The following MID1 variants were observed in gnomAD, a reference collection of about 807,000 sequenced individuals.
The protein encoded by MID1 is midline 1, also known as E3 ubiquitin-protein ligase Midline-1.
Under a neutral mutation model 40.4 loss-of-function variants are expected in MID1, and 7 were observed. The ratio of observed to expected loss-of-function variants is 0.17; its 90% CI spans 0.10 to 0.33. The LOEUF is 0.33. Among genes scored for constraint, MID1 ranks in the 10% least tolerant of loss-of-function variants. The probability of loss-of-function intolerance (pLI) is 1.00; values close to 1 mark genes in which losing one functional copy is unlikely to be tolerated. For synonymous variants in MID1, 229 were observed against 221.2 expected (o/e 1.04, Z -0.31); for missense variants, 367 against 558.5 (o/e 0.66, Z 3.46).
At chrX:10,762,094 ATGGAT>A (rs1035624349) in intron 1 of MID1, among the ~76,000 whole-genome samples, 1 of 111,992 alleles carries the variant, frequency 8.9e-6, no homozygotes, top group African/African-American at 3.2e-5. Flanking sequence ...GTAGGAATCC[ATGGAT>A]AAAGTATGTG....
At chrX:10,805,945 T>C (rs1331348442) in intron 1 of MID1, among the ~76,000 whole-genome samples, 1 of 109,904 alleles carries the variant, frequency 9.1e-6, no homozygotes, top group Non-Finnish European at 1.9e-5. Flanking sequence ...AAATTTGTTT[T>C]GAGTTCATTG....
intron 1 of MID1, among the ~76,000 whole-genome samples, chrX:10,798,588 G>A (rs1018924505): frequency 8.9e-6 from 1 of 111,799 alleles, no homozygotes; most frequent in African/African-American, 3.3e-5. Context: ...AGATGAAGAA[G>A]AAAAATTCTG....
In MID1 at chrX:10,636,785, GATATATATATATAT is replaced by G. The variant is rs60188235; in HGVS notation, c.-186-16380_-186-16367del. On this transcript the variant is annotated intron_variant, in intron 1 of 10. Transcript: ENST00000380785. ...CAAACTGGGCCATTCCAACAATGGG[GATATATATATATAT>G]ATATATATATATATATATACACCAC... Among the ~76,000 whole-genome samples, 17 of 42,719 alleles carry G rather than the reference GATATATATATATAT, an allele frequency of 4.0e-4. No individual in the cohort carries two copies. In the South Asian group the frequency reaches 4.1e-3, roughly 10 times the overall value. The allele number at this position is 42,719 out of a possible 115,157, so 37.1% of individuals were successfully genotyped here. A position where few individuals can be genotyped will look rare whatever the true frequency, so the allele number is the denominator to read the frequency against.
chrX:10,826,094 T>C (rs1403914431), intron 1 of MID1, among the ~76,000 whole-genome samples: 2 of 110,919 alleles, frequency 1.8e-5, no homozygotes, highest in African/African-American at 6.6e-5. Context: ...CTCATGCATT[T>C]TTCCACTCAA....
chrX:10,688,150 G>A (rs751560756), intron 1 of MID1, among the ~76,000 whole-genome samples: 1 of 111,915 alleles, frequency 8.9e-6, no homozygotes, highest in Non-Finnish European at 1.9e-5. Context: ...TGTGAGGCAC[G>A]TGCTGGCTAA....
intron 3 of MID1, chrX:10,506,633 C>T: frequency 2.2e-6 from 1 of 461,982 alleles, no homozygotes; most frequent in Non-Finnish European, 3.8e-6. Context: ...GAGATAGGAC[C>T]TGTGAGTGCA....
intron 1 of MID1, among the ~76,000 whole-genome samples, chrX:10,765,818 A>T (rs1221102693): frequency 9.1e-6 from 1 of 109,901 alleles, no homozygotes; most frequent in Non-Finnish European, 1.9e-5. Context: ...CTAAAAGCTG[A>T]CACAAAACTC....
chrX:10,685,088 A>G (rs1982487271), intron 1 of MID1, among the ~76,000 whole-genome samples: 1 of 112,423 alleles, frequency 8.9e-6, no homozygotes, highest in Non-Finnish European at 1.9e-5. Context: ...TATTATATAC[A>G]TATGCCACAA....
chrX:10,694,517 T>C (rs149099983), intron 1 of MID1, among the ~76,000 whole-genome samples: 1 of 111,949 alleles, frequency 8.9e-6, no homozygotes, highest in African/African-American at 3.2e-5. Context: ...CCTAAGAGTG[T>C]AGGGGAAAAG....
chrX:10,669,682 T>C (rs936913779), intron 1 of MID1, among the ~76,000 whole-genome samples: 1 of 112,025 alleles, frequency 8.9e-6, no homozygotes, highest in Non-Finnish European at 1.9e-5. Flanking sequence ...CTTTCAGGGA[T>C]TGGGTAGACA....
intron 1 of MID1, among the ~76,000 whole-genome samples, chrX:10,649,494 C>T (rs765865006): frequency 7.1e-5 from 8 of 112,082 alleles, no homozygotes; most frequent in East Asian, 2.8e-4. Flanking sequence ...TGCCCACTAA[C>T]GTCAGCATGG....
At chrX:10,721,341 T>A (rs1363739254) in intron 1 of MID1, among the ~76,000 whole-genome samples, 1 of 111,153 alleles carries the variant, frequency 9.0e-6, no homozygotes, top group African/African-American at 3.3e-5. Flanking sequence ...GTCAACTTTC[T>A]CTAGTGTGAA....
intron 1 of MID1, among the ~76,000 whole-genome samples, chrX:10,812,097 C>T (rs764053549): frequency 9.0e-6 from 1 of 111,482 alleles, no homozygotes; most frequent in Non-Finnish European, 1.9e-5. Flanking sequence ...CAAAGCAATA[C>T]AAAATATCAG....
chrX:10,533,377 AAAAAGAAAGAAAGAAAAG>A (rs1569089801), intron 2 of MID1, among the ~76,000 whole-genome samples: 15 of 58,632 alleles, frequency 2.6e-4, no homozygotes, highest in South Asian at 1.4e-3. Flanking sequence ...AGAAAGAAAG[AAAAAGAAAGAAAGAAAAG>A]AAAGAAAGAA....
At chrX:10,674,712 AATTG>A (rs1452516573) in intron 1 of MID1, among the ~76,000 whole-genome samples, 6 of 112,111 alleles carry the variant, frequency 5.4e-5, no homozygotes, top group Non-Finnish European at 7.5e-5. Context: ...TTCACAGATA[AATTG>A]ATTAACTGTT....
chrX:10,684,573 T>G (rs1466640592), intron 1 of MID1, among the ~76,000 whole-genome samples: 1 of 108,157 alleles, frequency 9.2e-6, no homozygotes, highest in East Asian at 2.9e-4. Flanking sequence ...CGGCTATTTT[T>G]TTTTTTGTAT....
chrX:10,578,227 A>G (rs1461024597), intron 1 of MID1, among the ~76,000 whole-genome samples: 3 of 113,043 alleles, frequency 2.7e-5, no homozygotes, highest in African/African-American at 6.4e-5. Context: ...TCAATTTCAC[A>G]TATAGATGAC....
chrX:10,756,043 T>C (rs2043630936), intron 1 of MID1, among the ~76,000 whole-genome samples: 1 of 112,322 alleles, frequency 8.9e-6, no homozygotes, highest in South Asian at 3.7e-4. Context: ...ATCACTAATT[T>C]TCTTGGTGAC....
At position 10,448,980 on chromosome X, in the gene MID1, A is replaced by G. The variant is rs741500; in HGVS notation, c.*388T>C. 0.021 allele frequency: 3,118 copies of G among 149,177 alleles called. 104 individuals carry two copies. The highest frequency in any genetic ancestry group is 0.091 in the African/African-American group (2,906 of 31,871). 12.3% of individuals were successfully genotyped at this position (149,177 alleles called of 1,213,427 possible). Reference sequence around the variant, plus strand: ...GGGATATCAGGTAAGAAGATGAGTAACATACAAAACTACAAAAGTTTTTGT... The same window carrying G: ...GGGATATCAGGTAAGAAGATGAGTAGCATACAAAACTACAAAAGTTTTTGT... On this transcript the variant is annotated 3_prime_UTR_variant, in exon 10 of 10. Transcript: ENST00000317552.
Sources: allele counts gnomAD v4.1 joint callset (sites outside exome capture counted in the v4.1 genomes callset), GRCh38; gene constraint gnomAD v4.1.1; transcripts MANE v1.5; gene names NCBI Gene and HGNC (gene_info 2026-07-23, HGNC 2026-07-21).